CLIP1: variants seen among roughly 807,000 people sequenced by gnomAD.
CLIP1 encodes the protein CAP-Gly domain-containing linker protein 1.
CLIP1 carries 66 observed loss-of-function variants against 161.6 expected under a neutral mutation model. That is an observed-to-expected ratio of 0.41 (90% CI 0.33 to 0.50). The LOEUF (loss-of-function observed/expected upper bound fraction) is 0.50, where lower values mean the gene tolerates loss of function less well. Among genes scored for constraint, CLIP1 ranks in the 20% least tolerant of loss-of-function variants. CLIP1 has a pLI of 0.27. For synonymous variants in CLIP1, 598 were observed against 626.2 expected, an observed-to-expected ratio of 0.96 and a Z score of 0.67; for missense variants, 1,376 against 1,702.0, an observed-to-expected ratio of 0.81 and a Z score of 3.37.
intron 1 of CLIP1, among the ~76,000 whole-genome samples, chr12:122,392,705 G>A (rs567104219): frequency 6.6e-6 from 1 of 152,136 alleles, no homozygotes; most frequent in African/African-American, 2.4e-5. Flanking sequence ...GATCTTGCAA[G>A]GTGAATGTGA....
At chr12:122,402,875 T>C (rs765994759) in intron 1 of CLIP1, among the ~76,000 whole-genome samples, 3 of 152,202 alleles carry the variant, frequency 2.0e-5, no homozygotes, top group Non-Finnish European at 4.4e-5. Context: ...TTACATTCTT[T>C]TTTCATAATA....
At chr12:122,335,443 A>G (rs1253793411) in intron 12 of CLIP1, among the ~76,000 whole-genome samples, 1 of 152,022 alleles carries the variant, frequency 6.6e-6, no homozygotes, top group Non-Finnish European at 1.5e-5. Flanking sequence ...TTAGGGGGAA[A>G]AAAAAAAAGG....
rs1490098812 is a variant in CLIP1 at position 122,355,396 on chromosome 12, G to A, written c.1006-84C>T. The A allele has an allele frequency of 1.3e-5, 16 of 1,265,878 alleles. No homozygotes were observed. Among genetic ancestry groups the A allele is most frequent in the Non-Finnish European group, 1.8e-5 (16 of 891,448 alleles). The allele number at this position is 1,265,878 out of a possible 1,614,324, so 78.4% of individuals were successfully genotyped here. The stretch of plus-strand genomic sequence containing the variant: ...CGCGATGCATGCATGGCGGGCATCT[G>A]CTCGGCAAAGCAAGGGCGCTGCTCC... On this transcript the variant is annotated intron_variant, in intron 5 of 25. Transcript: ENST00000620786. This position sits in a 1 kb window ranked among gnomAD's most constrained non-coding sequence, Gnocchi z 4.1.
intron 20 of CLIP1, among the ~76,000 whole-genome samples, chr12:122,293,598 C>A (rs573416472): frequency 6.6e-6 from 1 of 151,680 alleles, no homozygotes; most frequent in South Asian, 2.1e-4. Flanking sequence ...CCTGCCTCAG[C>A]CTCCTGAGTA....
At chr12:122,386,026 C>T (rs1246244155) in intron 1 of CLIP1, among the ~76,000 whole-genome samples, 1 of 152,154 alleles carries the variant, frequency 6.6e-6, no homozygotes, top group Non-Finnish European at 1.5e-5. Context: ...TGGTTCACAC[C>T]TGTAATCCCA....
intron 3 of CLIP1, among the ~76,000 whole-genome samples, chr12:122,371,369 T>C (rs1270910551): frequency 6.6e-6 from 1 of 151,992 alleles, no homozygotes; most frequent in African/African-American, 2.4e-5. Flanking sequence ...GACACCAAAT[T>C]TGGCACCTTT....
At chr12:122,383,750 A>G (rs1265609343) in intron 1 of CLIP1, among the ~76,000 whole-genome samples, 2 of 152,194 alleles carry the variant, frequency 1.3e-5, no homozygotes, top group African/African-American at 4.8e-5. Context: ...GGTACCCACA[A>G]CATGCAGTGA....
intron 11 of CLIP1, among the ~76,000 whole-genome samples, chr12:122,340,507 A>G (rs1193918690): frequency 1.3e-5 from 2 of 152,338 alleles, no homozygotes; most frequent in African/African-American, 4.8e-5. Flanking sequence ...AGATAAATAG[A>G]TCAGGTACCC....
chr12:122,336,413 T>TA lies in CLIP1; in HGVS notation c.2568+218dup, dbSNP rs144935400. ...CGTTACCAAAGGCGAAGGGATAGATTAAAAAAAAAAAAAAAAAAAAGTAAT... is the reference window on the plus strand; with the variant it reads ...CGTTACCAAAGGCGAAGGGATAGATTAAAAAAAAAAAAAAAAAAAAAGTAAT... On this transcript the variant is annotated intron_variant, in intron 12 of 25. Transcript: ENST00000620786. 1.6e-3 allele frequency among the ~76,000 whole-genome samples: 220 copies of TA among 139,006 alleles called. 1 individual carries two copies. The highest frequency in any genetic ancestry group is 2.9e-3 in the Non-Finnish European group (185 of 64,232). 91.2% of individuals were successfully genotyped at this position (139,006 alleles called of 152,430 possible).
intron 21 of CLIP1, among the ~76,000 whole-genome samples, chr12:122,286,614 C>T (rs1431316746): frequency 1.4e-5 from 2 of 140,816 alleles, no homozygotes; most frequent in African/African-American, 2.6e-5. Flanking sequence ...TGAGTATAAA[C>T]ACCACCTTAG....
intron 23 of CLIP1, chr12:122,278,460 G>A (rs531472871): frequency 7.0e-5 from 39 of 559,336 alleles, no homozygotes; most frequent in Middle Eastern, 9.3e-4. Context: ...TGCCTGTCAC[G>A]TCCATCTGAA....
chr12:122,358,457 G>GA (rs60694108), intron 5 of CLIP1, among the ~76,000 whole-genome samples: 112,817 of 144,338 alleles, frequency 0.78, 44,267 homozygotes, highest in East Asian at 0.85. Context: ...AAAGAAAAAA[G>GA]AAAAAAAAAA....
In CLIP1 at chr12:122,354,410, G is replaced by T. The variant is rs750515616; in HGVS notation, c.1307+43C>A. ...ACTCTGTCTCAAAAACAAAAAAAAA[G>T]GGGGAAAGGCCACACTTGCACCAGG... On this transcript the variant is annotated intron_variant, in intron 7 of 25. Coordinates refer to ENST00000620786, the MANE Select transcript of CLIP1 (RefSeq NM_001247997.2). 2.0e-6 allele frequency: 3 copies of T among 1,506,972 alleles called. No homozygotes were observed. The South Asian group carries it at 3.4e-5, about 17-fold the overall frequency. The allele number at this position is 1,506,972 out of a possible 1,614,324, so 93.4% of individuals were successfully genotyped here.
chr12:122,276,733 C>T (rs1314379273), intron 24 of CLIP1: 1 of 257,170 alleles, frequency 3.9e-6, no homozygotes, highest in South Asian at 4.0e-5. Context: ...AATTAAAAGA[C>T]AGATGTTTGT....
chr12:122,294,025 C>G (rs1443575173), intron 20 of CLIP1, among the ~76,000 whole-genome samples: 1 of 151,780 alleles, frequency 6.6e-6, no homozygotes. Flanking sequence ...TGCCCCTGGC[C>G]TCTTCACGAA....
chr12:122,335,039 C>G (rs1952153620), intron 12 of CLIP1, among the ~76,000 whole-genome samples: 1 of 152,174 alleles, frequency 6.6e-6, no homozygotes, highest in Non-Finnish European at 1.5e-5. Context: ...GTTGCCACCT[C>G]TCAAACAGCA....
chr12:122,323,158 T>A lies in CLIP1; in HGVS notation c.3250-3810A>T, dbSNP rs950354706. 1 of 152,592 alleles carries A rather than the reference T, an allele frequency of 6.6e-6. No homozygotes were observed. The highest frequency in any genetic ancestry group is 2.4e-5 in the African/African-American group (1 of 41,432). 9.5% of individuals were successfully genotyped at this position (152,592 alleles called of 1,614,324 possible). ...GTAAAGCTCCATTTTGCGTTTCCAGTGAGGATTTTTCTTTCAAGAGACTAT... is the reference window on the plus strand; with the variant it reads ...GTAAAGCTCCATTTTGCGTTTCCAGAGAGGATTTTTCTTTCAAGAGACTAT... On this transcript the variant is annotated intron_variant, in intron 17 of 25. Coordinates refer to ENST00000620786, the MANE Select transcript of CLIP1 (RefSeq NM_001247997.2). This position sits in a 1 kb window ranked among gnomAD's most constrained non-coding sequence, Gnocchi z 4.1.
At chr12:122,404,115 G>A (rs1211587061) in intron 1 of CLIP1, among the ~76,000 whole-genome samples, 1 of 152,214 alleles carries the variant, frequency 6.6e-6, no homozygotes, top group Non-Finnish European at 1.5e-5. Flanking sequence ...GTTGACTCTG[G>A]CTTCCCAAAG....
In CLIP1 at chr12:122,303,533, G is replaced by A. The variant is rs139393629; in HGVS notation, c.3594+6229C>T. 8.6e-3 allele frequency among the ~76,000 whole-genome samples: 1,311 copies of A among 152,236 alleles called. 18 individuals are homozygous for A. The highest frequency in any genetic ancestry group is 0.03 in the South Asian group (147 of 4,822). ...GGATAGAGTCAAGGTTGGGATAGTT[G>A]AGGCTACACATAGACTCCGTTGGTG... On this transcript the variant is annotated intron_variant, in intron 20 of 25. Coordinates refer to ENST00000620786, the MANE Select transcript of CLIP1 (RefSeq NM_001247997.2).
Sources: gnomAD v4.1 joint callset for allele counts (sites outside exome capture counted in the v4.1 genomes callset) on GRCh38, gnomAD v4.1.1 for gene constraint, Gnocchi (gnomAD v3.1) non-coding constraint, MANE v1.5 for transcripts, NCBI Gene and HGNC (gene_info 2026-07-23, HGNC 2026-07-21) for gene names.